The following CEP162 variants were observed in gnomAD, a reference collection of about 807,000 sequenced individuals.
CEP162 encodes the protein centrosomal protein 162, also known as centrosomal protein of 162 kDa.
CEP162 carries 141 observed loss-of-function variants against 169.2 expected under a neutral mutation model. The ratio of observed to expected loss-of-function variants is 0.83; its 90% confidence interval spans 0.73 to 0.96. The LOEUF is 0.96. Ranked by LOEUF, CEP162 falls within the 40% of genes least tolerant of loss-of-function variation. CEP162 has a pLI of 0.00. For synonymous variants in CEP162, 540 were observed against 526.4 expected, an observed-to-expected ratio of 1.03 and a Z score of -0.35; for missense variants, 1,600 against 1,587.2, an observed-to-expected ratio of 1.01 and a Z score of -0.14.
chr6:84,168,086 C>T (rs572087764), intron 18 of CEP162, among the ~76,000 whole-genome samples: 1 of 152,060 alleles, frequency 6.6e-6, no homozygotes, highest in East Asian at 1.9e-4. Flanking sequence ...TGGGAGTTTT[C>T]AAATTTTCTG....
intron 20 of CEP162, 54 bp downstream of exon 20, chr6:84,161,692 T>C (rs2099525843): frequency 8.0e-7 from 1 of 1,242,518 alleles, no homozygotes; most frequent in Admixed American, 2.4e-5. Context: ...ACAACAGATA[T>C]TACGGACAAA....
chr6:84,174,146 G>T lies in CEP162; in HGVS notation c.2068C>A (p.His690Asn). ...EETNKKQRWLHFGEAADPVTG... is the reference protein window; with the variant it reads ...EETNKKQRWLNFGEAADPVTG... ...ACAGGATCAGCTGCTTCTCCAAAAT[G>T]TAACCACCTTTGTTTTTTGTTTGTT... Residue 690 changes from histidine to asparagine, a missense_variant, in exon 16 of 27, where the codon CAT (histidine) becomes AAT (asparagine). Physicochemically the swap from His to Asn is moderately conservative, Grantham distance 68. Coordinates refer to ENST00000403245, the MANE Select transcript of CEP162 (RefSeq NM_014895.4). The T allele has an allele frequency of 6.8e-6, 11 of 1,609,446 alleles. No homozygotes were observed. The highest frequency in any genetic ancestry group is 9.3e-6 in the Non-Finnish European group (11 of 1,177,350).
intron 21 of CEP162, among the ~76,000 whole-genome samples, chr6:84,159,159 A>G (rs1477368162): frequency 6.6e-6 from 1 of 151,746 alleles, no homozygotes; most frequent in African/African-American, 2.4e-5. Context: ...TTAAAATATC[A>G]GGATAGAAAT....
In CEP162 at chr6:84,204,030, A is replaced by T; in HGVS notation, c.638T>A (p.Met213Lys). The change falls in exon 7 of 27, where the codon ATG becomes AAG. Residue 213 changes from methionine to lysine, a missense_variant. Transcript: ENST00000403245. ...TGATTTGGAATTCTCTTTGGAAGGCATCTCTTCATCTTTAGTAGTCAACGG... is the reference window on the plus strand; with the variant it reads ...TGATTTGGAATTCTCTTTGGAAGGCTTCTCTTCATCTTTAGTAGTCAACGG... ...GAPLTTKDEE[M>K]PSKENSKSEK... The T allele has an allele frequency of 6.2e-7, 1 of 1,610,596 alleles. No individual in the cohort carries two copies. Among genetic ancestry groups the T allele is most frequent in the Non-Finnish European group, 8.5e-7 (1 of 1,178,330 alleles).
rs1394882273 is a variant in CEP162, at chr6:84,154,378, A to AT, written c.2994+919_2994+920insA. 9.6e-3 allele frequency among the ~76,000 whole-genome samples: 1,250 copies of AT among 130,594 alleles called. 19 individuals carry two copies. Among genetic ancestry groups the AT allele is most frequent in the African/African-American group, 0.037 (1,194 of 32,460 alleles). The allele number at this position is 130,594 out of a possible 152,430, so 85.7% of individuals were successfully genotyped here. A position where few individuals can be genotyped will look rare whatever the true frequency, so the allele number is the denominator to read the frequency against. ...TGTCTGTCTATCTATCTATCTATCT[A>AT]CCTATCTATCTATCTATCTATGTAT... On this transcript the variant is annotated intron_variant, in intron 22 of 26. Coordinates refer to ENST00000403245, the MANE Select transcript of CEP162 (RefSeq NM_014895.4).
At chr6:84,145,957 T>C (rs1189914924) in intron 25 of CEP162, among the ~76,000 whole-genome samples, 1 of 152,130 alleles carries the variant, frequency 6.6e-6, no homozygotes, top group Non-Finnish European at 1.5e-5. Context: ...TCTTATTAGA[T>C]CACCATATAG....
At chr6:84,213,663 C>T (rs879621547) in intron 5 of CEP162, among the ~76,000 whole-genome samples, 1 of 152,188 alleles carries the variant, frequency 6.6e-6, no homozygotes, top group Non-Finnish European at 1.5e-5. Flanking sequence ...GCTACAAACA[C>T]CTAATATTGC....
At chr6:84,212,235 C>A (rs1002804731) in intron 6 of CEP162, among the ~76,000 whole-genome samples, 2 of 152,066 alleles carry the variant, frequency 1.3e-5, no homozygotes, top group Admixed American at 1.3e-4. Context: ...CAATGGAATA[C>A]AAAGCACTGG....
intron 9 of CEP162, among the ~76,000 whole-genome samples, chr6:84,197,156 A>T (rs1229103743): frequency 6.6e-6 from 1 of 151,910 alleles, no homozygotes; most frequent in Non-Finnish European, 1.5e-5. Flanking sequence ...TTTAGTAGGT[A>T]TGAGGTGTCA....
rs115905749 is a variant in CEP162 at position 84,220,619 on chromosome 6, A to G, written c.172+438T>C. 4.0e-3 allele frequency among the ~76,000 whole-genome samples: 610 copies of G among 152,262 alleles called. 6 individuals carry two copies. Among genetic ancestry groups the G allele is most frequent in the African/African-American group, 0.014 (587 of 41,558 alleles). Reference sequence around the variant, plus strand: ...CAGCCTGGGCATATCATATACATATATATGAGAGACATATATACATATGGC... The same window carrying G: ...CAGCCTGGGCATATCATATACATATGTATGAGAGACATATATACATATGGC... On this transcript the variant is annotated intron_variant, in intron 3 of 26. Coordinates refer to ENST00000403245, the MANE Select transcript of CEP162 (RefSeq NM_014895.4).
intron 6 of CEP162, among the ~76,000 whole-genome samples, chr6:84,210,624 G>A (rs1057287357): frequency 3.3e-5 from 5 of 152,134 alleles, no homozygotes; most frequent in African/African-American, 4.8e-5. Flanking sequence ...AAGAGAGGAG[G>A]TGCCTAAGTG....
At position 84,186,462 on chromosome 6, in the gene CEP162, T is replaced by G. The variant is rs2099537171; in HGVS notation, c.1271A>C (p.Glu424Ala). ...TTCAGTTACTTGTGGACAGCTGTTT[T>G]CCATACTCTCATTTGTGGTCTTTTG... ...ILQKTTNESM[E>A]NSCPQVTEVT... Residue 424 changes from glutamate (E) to alanine (A), a missense_variant, in exon 12 of 27, where the codon GAA (glutamate) becomes GCA (alanine). Glu to Ala is a moderately radical substitution (Grantham distance 107). Transcript: ENST00000403245. The G allele has an allele frequency of 1.2e-6, 2 of 1,613,204 alleles. No homozygotes were observed.
intron 13 of CEP162, among the ~76,000 whole-genome samples, chr6:84,179,648 G>A (rs2099533915): frequency 6.6e-6 from 1 of 152,012 alleles, no homozygotes; most frequent in South Asian, 2.1e-4. Context: ...TTCTTTTGCT[G>A]TGCAGAAGCT....
At chr6:84,197,775 C>A (rs1184366076) in intron 9 of CEP162, among the ~76,000 whole-genome samples, 2 of 150,976 alleles carry the variant, frequency 1.3e-5, no homozygotes, top group Non-Finnish European at 2.9e-5. Context: ...GGAGATCATG[C>A]CACTGCATTC....
Position 84,186,588 on chromosome 6 carries a change from A to T in CEP162, c.1145T>A (p.Phe382Tyr), listed in dbSNP as rs1316123133. The change falls in exon 12 of 27, where the codon TTT (phenylalanine) becomes TAT (tyrosine). Residue 382 changes from phenylalanine (F) to tyrosine (Y), a missense_variant. Physicochemically the swap from Phe to Tyr is conservative, Grantham distance 22. Coordinates refer to ENST00000403245, the MANE Select transcript of CEP162 (RefSeq NM_014895.4). ...CATCTTCAGGGGTAAAGAGCTAAAAAATTCAGTTTCTTTTCTTTCGGCCAC... is the reference window on the plus strand; with the variant it reads ...CATCTTCAGGGGTAAAGAGCTAAAATATTCAGTTTCTTTTCTTTCGGCCAC... The part of the protein sequence containing the change: ...EKVAERKETE[F>Y]FSSLPLKMNP... The T allele has an allele frequency of 1.2e-6, 2 of 1,606,170 alleles. No individual in the cohort carries two copies. The highest frequency in any genetic ancestry group is 1.7e-5 in the Admixed American group (1 of 59,062).
intron 22 of CEP162, among the ~76,000 whole-genome samples, chr6:84,154,182 T>C (rs2099522177): frequency 6.6e-6 from 1 of 152,112 alleles, no homozygotes; most frequent in Admixed American, 6.6e-5. Context: ...AGTTAGGGTG[T>C]TTAGATTTAG....
chr6:84,146,034 T>C (rs1393054560), intron 25 of CEP162, among the ~76,000 whole-genome samples: 1 of 152,114 alleles, frequency 6.6e-6, no homozygotes, highest in African/African-American at 2.4e-5. Context: ...CTTAATTGAA[T>C]TGACCTATTC....
chr6:84,153,800 A>C (rs566240648), intron 22 of CEP162, among the ~76,000 whole-genome samples: 187 of 152,316 alleles, frequency 1.2e-3, no homozygotes, highest in African/African-American at 4.3e-3. Flanking sequence ...AAAAAGACTC[A>C]GTTATTATTT....
chr6:84,205,489 T>G (rs913425197), intron 6 of CEP162, among the ~76,000 whole-genome samples: 169 of 152,282 alleles, frequency 1.1e-3, no homozygotes, highest in Non-Finnish European at 1.8e-3. Context: ...TCTCAATAGA[T>G]TCAGAAAAGG....
Sources: allele counts gnomAD v4.1 joint callset (sites outside exome capture counted in the v4.1 genomes callset), GRCh38; gene constraint gnomAD v4.1.1; transcripts MANE v1.5; gene names NCBI Gene and HGNC (gene_info 2026-07-23, HGNC 2026-07-21).